The following CAPN11 variants were observed in gnomAD, a reference collection of about 807,000 sequenced individuals.
CAPN11 encodes calpain-11.
A neutral mutation model predicts 105.3 loss-of-function variants in CAPN11; 108 were observed. The observed-to-expected ratio is 1.03, with a 90% CI of 0.88 to 1.20. CAPN11 has a LOEUF of 1.20. Among genes scored for constraint, CAPN11 ranks in the 50% most tolerant of loss-of-function variants. The probability of loss-of-function intolerance (pLI) is 0.00; values close to 1 mark genes in which losing one functional copy is unlikely to be tolerated. For synonymous variants in CAPN11, 329 were observed against 344.5 expected, an observed-to-expected ratio of 0.96 and a Z score of 0.50; for missense variants, 883 against 924.8, an observed-to-expected ratio of 0.95 and a Z score of 0.59.
rs1263687788 is a variant in CAPN11 at position 44,177,236 on chromosome 6, C to T, written c.1238-6C>T. On this transcript the variant is annotated splice_region_variant and splice_polypyrimidine_tract_variant and intron_variant, in intron 11 of 22. Transcript: ENST00000398776. ...GTATAACCACGCTGACCCACTTCCG[C>T]CACAGGCACGTTCTGGACCAACCCC... is the stretch of plus-strand genomic sequence containing the variant. The T allele has an allele frequency of 3.8e-6, 6 of 1,572,116 alleles. No individual in the cohort carries two copies. The highest frequency in any genetic ancestry group is 2.3e-5 in the East Asian group (1 of 42,616).
chr6:44,176,537 C>A, intron 9 of CAPN11, 44 bp from the exon 10 acceptor site: 1 of 1,562,572 alleles, frequency 6.4e-7, no homozygotes, highest in Non-Finnish European at 8.8e-7. Context: ...GGAGGTGCCA[C>A]ATGACCTCCG....
chr6:44,176,412 C>A (rs1160836642), intron 9 of CAPN11, 74 bp downstream of exon 9: 4 of 1,404,354 alleles, frequency 2.8e-6, no homozygotes, highest in Non-Finnish European at 4.0e-6. Context: ...GACTGGTGTC[C>A]CATCTAGGAG....
intron 9 of CAPN11, 28 bp from the exon 10 acceptor site, chr6:44,176,553 C>G (rs1772059263): frequency 6.2e-7 from 1 of 1,606,678 alleles, no homozygotes; most frequent in Non-Finnish European, 8.5e-7. Flanking sequence ...CTCCGCCCCT[C>G]TCCTTCCACC....
At chr6:44,178,906 A>T (rs1413893412) in intron 12 of CAPN11, among the ~76,000 whole-genome samples, 3 of 152,064 alleles carry the variant, frequency 2.0e-5, no homozygotes, top group Non-Finnish European at 4.4e-5. Context: ...CTGGGCGCAG[A>T]GTGAGACCCT....
chr6:44,183,978 G>A lies in CAPN11; in HGVS notation c.*46G>A, dbSNP rs373764660. The A allele has an allele frequency of 1.3e-4, 201 of 1,549,730 alleles. 1 individual carries two copies. The African/African-American group carries it at 2.3e-3, about 17-fold the overall frequency. On this transcript the variant is annotated 3_prime_UTR_variant, in exon 23 of 23. Transcript: ENST00000398776. ...CATCTCTACCAGCAGCAGCAGCAGC[G>A]AGGTTCTAGCCCAGGAGGGTGGGGT... is the stretch of plus-strand genomic sequence containing the variant.
chr6:44,170,764 T>G (rs999070379), intron 4 of CAPN11, among the ~76,000 whole-genome samples: 1 of 152,106 alleles, frequency 6.6e-6, no homozygotes, highest in African/African-American at 2.4e-5. Context: ...TAGAACCCGA[T>G]CAATCTGGGG....
At chr6:44,181,065 C>T (rs1773055914) in intron 18 of CAPN11, 68 bp downstream of exon 18, 4 of 1,403,930 alleles carry the variant, frequency 2.8e-6, no homozygotes, top group African/African-American at 1.4e-5. Context: ...AGATGGCCAC[C>T]CTGGGCCAGC....
In CAPN11 at chr6:44,170,432, G is replaced by A. The variant is rs867843216; in HGVS notation, c.409+457G>A. Among the ~76,000 whole-genome samples, 49 of 152,224 alleles carry A rather than the reference G, an allele frequency of 3.2e-4. 1 individual carries two copies. Among genetic ancestry groups the A allele is most frequent in the Admixed American group, 2.1e-3 (32 of 15,288 alleles). ...TCTGCTCCTAGGAGGGTGCACTTAC[G>A]TGGCAGGAGCTCTCAGGTCTTTGCT... is the stretch of plus-strand genomic sequence containing the variant. On this transcript the variant is annotated intron_variant, in intron 4 of 22. Coordinates refer to ENST00000398776, the MANE Select transcript of CAPN11 (RefSeq NM_007058.4).
intron 12 of CAPN11, among the ~76,000 whole-genome samples, chr6:44,178,750 T>TAA (rs35225903): frequency 5.2e-5 from 6 of 116,060 alleles, no homozygotes; most frequent in Admixed American, 2.1e-4. Context: ...CTGTCTCGAT[T>TAA]AAAAAAAAAA....
At chr6:44,159,541 C>T (rs1768328568) in intron 1 of CAPN11, among the ~76,000 whole-genome samples, 2 of 152,078 alleles carry the variant, frequency 1.3e-5, no homozygotes, top group African/African-American at 2.4e-5. Flanking sequence ...CTAGACCCAG[C>T]CTCCCAGCTT....
chr6:44,171,373 T>G (rs958779697), intron 4 of CAPN11, among the ~76,000 whole-genome samples: 1 of 152,188 alleles, frequency 6.6e-6, no homozygotes, highest in African/African-American at 2.4e-5. Context: ...CCAGGGACCC[T>G]GCTGGGGCAC....
chr6:44,178,530 G>C (rs1376456718), intron 12 of CAPN11, among the ~76,000 whole-genome samples: 1 of 151,990 alleles, frequency 6.6e-6, no homozygotes, highest in Non-Finnish European at 1.5e-5. Flanking sequence ...AGTCTCCAGG[G>C]GTTCAATAGT....
chr6:44,182,944 A>G lies in CAPN11; in HGVS notation c.1942A>G (p.Ile648Val), dbSNP rs528054865. The change falls in exon 20 of 23, where the codon ATC (isoleucine) becomes GTC (valine). Residue 648 changes from isoleucine (I) to valine (V), a missense_variant. Transcript: ENST00000398776. ...LWKKLKKWMD[I>V]FRECDQDHSG... Reference sequence around the variant, plus strand: ...CCATATCTGTCTGTCTCTTCAGGACATCTTCAGAGAGTGTGACCAGGACCA... The same window carrying G: ...CCATATCTGTCTGTCTCTTCAGGACGTCTTCAGAGAGTGTGACCAGGACCA... 59 of 1,604,002 alleles carry G rather than the reference A, an allele frequency of 3.7e-5. No individual in the cohort carries two copies. Among genetic ancestry groups the G allele is most frequent in the Non-Finnish European group, 4.8e-5 (56 of 1,173,406 alleles).
chr6:44,180,376 C>T (rs2128312662), intron 14 of CAPN11, 84 bp from the exon 15 acceptor site: 1 of 1,337,110 alleles, frequency 7.5e-7, no homozygotes, highest in Non-Finnish European at 1.1e-6. Context: ...GCTTCAAAGA[C>T]ATGACATGAC....
intron 14 of CAPN11, 67 bp downstream of exon 14, chr6:44,180,230 A>C: frequency 8.1e-7 from 1 of 1,229,210 alleles, no homozygotes; most frequent in African/African-American, 1.5e-5. Context: ...AAGCTCAGGG[A>C]GCTGCTGTCG....
chr6:44,161,008 G>T (rs547532886), intron 1 of CAPN11, among the ~76,000 whole-genome samples: 89 of 152,126 alleles, frequency 5.9e-4, no homozygotes, highest in South Asian at 2.3e-3. Context: ...GTGTCCACTG[G>T]GGGTGTTGGA....
At position 44,166,804 on chromosome 6, in the gene CAPN11, G is replaced by A. The variant is rs1270748590; in HGVS notation, c.63G>A (p.Glu21=). Residue 21 remains glutamate, a synonymous_variant, in exon 2 of 23, where the codon GAG becomes GAA. Coordinates refer to ENST00000398776, the MANE Select transcript of CAPN11 (RefSeq NM_007058.4). ...ESAESLDGSQ[E]DKPRGSCAEP... The stretch of plus-strand genomic sequence containing the variant: ...CAGAGAGCCTGGATGGATCACAGGA[G>A]GATAAGCCTCGGGGCTCATGTGCGG... The A allele has an allele frequency of 1.3e-6, 2 of 1,552,014 alleles. No individual in the cohort carries two copies. The highest frequency in any genetic ancestry group is 1.7e-6 in the Non-Finnish European group (2 of 1,146,990).
chr6:44,184,230 G>A lies in CAPN11; in HGVS notation c.*298G>A, dbSNP rs149480863. On this transcript the variant is annotated 3_prime_UTR_variant, in exon 23 of 23. Transcript: ENST00000398776. ...CTAAAGAGTAGTTGATGCTTCCCCAGGGTCCCCCTGGCTGGGGAGGCCAAG... is the reference window on the plus strand; with the variant it reads ...CTAAAGAGTAGTTGATGCTTCCCCAAGGTCCCCCTGGCTGGGGAGGCCAAG... The A allele has an allele frequency of 1.3e-5, 6 of 471,078 alleles. No individual in the cohort carries two copies. Among genetic ancestry groups the A allele is most frequent in the African/African-American group, 1.9e-5 (1 of 51,600 alleles). 29.2% of individuals were successfully genotyped at this position (471,078 alleles called of 1,614,324 possible). A position where few individuals can be genotyped will look rare whatever the true frequency, so the allele number is the denominator to read the frequency against.
chr6:44,179,325 G>A (rs1239558633), intron 12 of CAPN11, among the ~76,000 whole-genome samples: 1 of 147,952 alleles, frequency 6.8e-6, no homozygotes, highest in East Asian at 2.0e-4. Context: ...TTTTGAGACA[G>A]GGTCTCACTC....
Sources: gnomAD v4.1 joint callset for allele counts (sites outside exome capture counted in the v4.1 genomes callset) on GRCh38, gnomAD v4.1.1 for gene constraint, MANE v1.5 for transcripts, NCBI Gene and HGNC (gene_info 2026-07-23, HGNC 2026-07-21) for gene names.